Variants in ROR1 observed in about 807,000 individuals in gnomAD.
ROR1 encodes inactive tyrosine-protein kinase transmembrane receptor ROR1.
In ROR1, 19 loss-of-function variants were observed where a neutral mutation model predicts 78.8. The ratio of observed to expected loss-of-function variants is 0.24; its 90% CI spans 0.17 to 0.35. ROR1 has a LOEUF of 0.35. Among genes scored for constraint, ROR1 ranks in the 10% least tolerant of loss-of-function variants. The pLI is 1.00. For missense variants in ROR1, 917 were observed against 1,177.8 expected (o/e 0.78, Z 3.24); for synonymous variants, 386 against 433.6 (o/e 0.89, Z 1.36).
At chr1:64,085,575 AC>A (rs1346180073) in intron 4 of ROR1, among the ~76,000 whole-genome samples, 1 of 152,118 alleles carries the variant, frequency 6.6e-6, no homozygotes, top group African/African-American at 2.4e-5. Flanking sequence ...ATCTCTGCCG[AC>A]CCCAAAATGC....
rs374315612 is a variant in ROR1, at chr1:64,169,958, A to G, written c.1387-7470A>G. 5.3e-5 allele frequency among the ~76,000 whole-genome samples: 8 copies of G among 151,952 alleles called. No homozygotes were observed. In the East Asian group the frequency reaches 1.4e-3, roughly 26 times the overall value. On this transcript the variant is annotated intron_variant, in intron 8 of 8. Transcript: ENST00000371079. ...GTGACTCTGATGCAAGCAGTGCATC[A>G]GACACCTCTGCACCTTTGCAGGGTA...
intron 1 of ROR1, among the ~76,000 whole-genome samples, chr1:63,921,883 A>G (rs914933551): frequency 2.6e-5 from 4 of 152,196 alleles, no homozygotes; most frequent in Admixed American, 6.5e-5. Flanking sequence ...TGGGAAAACC[A>G]AAGAAACACT....
At chr1:63,795,323 TTCAAA>T (rs1240107787) in intron 1 of ROR1, among the ~76,000 whole-genome samples, 11 of 152,346 alleles carry the variant, frequency 7.2e-5, no homozygotes, top group African/African-American at 2.4e-4. Flanking sequence ...TGTGGCAAGA[TTCAAA>T]TCCAAAGTAT....
chr1:63,874,408 G>T (rs1477094789), intron 1 of ROR1, among the ~76,000 whole-genome samples: 1 of 152,060 alleles, frequency 6.6e-6, no homozygotes, highest in Non-Finnish European at 1.5e-5. Flanking sequence ...TTTGGCAGTG[G>T]TAGTGCAGGA....
intron 1 of ROR1, among the ~76,000 whole-genome samples, chr1:63,806,837 A>G (rs1259355056): frequency 6.6e-6 from 1 of 152,224 alleles, no homozygotes; most frequent in Non-Finnish European, 1.5e-5. Context: ...GTTGTATCAT[A>G]AGCCATTTCA....
chr1:64,120,631 A>G (rs1441778869), intron 4 of ROR1, among the ~76,000 whole-genome samples: 1 of 152,072 alleles, frequency 6.6e-6, no homozygotes, highest in Non-Finnish European at 1.5e-5. Flanking sequence ...TTGCTACCAT[A>G]CTGGACCATG....
intron 2 of ROR1, among the ~76,000 whole-genome samples, chr1:64,033,702 C>T (rs1422848635): frequency 6.6e-6 from 1 of 152,130 alleles, no homozygotes; most frequent in Middle Eastern, 3.2e-3. Context: ...AGGTACTGTT[C>T]TAAGTACCTT....
intron 2 of ROR1, among the ~76,000 whole-genome samples, chr1:64,016,733 T>TTATATATA (rs58622476): frequency 2.1e-4 from 30 of 140,610 alleles, no homozygotes; most frequent in African/African-American, 5.7e-4. Context: ...TAAAATATAA[T>TTATATATA]TATATATATA....
intron 1 of ROR1, among the ~76,000 whole-genome samples, chr1:63,947,999 CCT>C (rs1382493869): frequency 6.6e-6 from 1 of 152,010 alleles, no homozygotes; most frequent in African/African-American, 2.4e-5. Flanking sequence ...TCATTTTTAC[CCT>C]GTCAGTAACA....
At chr1:64,009,894 C>T (rs970756353) in intron 2 of ROR1, among the ~76,000 whole-genome samples, 16 of 152,236 alleles carry the variant, frequency 1.1e-4, no homozygotes, top group Middle Eastern at 3.4e-3. Context: ...AATTAAGCCC[C>T]GCCATATGTT....
intron 1 of ROR1, among the ~76,000 whole-genome samples, chr1:63,885,847 T>C (rs855851): frequency 0.9 from 137,087 of 152,214 alleles, 61,974 homozygotes; most frequent in East Asian, 1. Flanking sequence ...TCATGAAAGG[T>C]AGTTCTTCCA....
intron 1 of ROR1, among the ~76,000 whole-genome samples, chr1:63,891,783 C>T (rs1557547109): frequency 6.6e-6 from 1 of 152,112 alleles, no homozygotes; most frequent in Non-Finnish European, 1.5e-5. Flanking sequence ...GATCCTAGTT[C>T]TTGGGCCTTT....
rs1644885927 is a variant in ROR1 at position 63,815,478 on chromosome 1, C to CTTTTCTTTTTTTTTT, written c.91+40974_91+40975insCTTTTTTTTTTTTTT. Among the ~76,000 whole-genome samples, 4 of 103,466 alleles carry CTTTTCTTTTTTTTTT rather than the reference C, an allele frequency of 3.9e-5. No homozygotes were observed. The South Asian group carries it at 1.2e-3, about 31-fold the overall frequency. 67.9% of individuals were successfully genotyped at this position (103,466 alleles called of 152,430 possible). Reference sequence around the variant, plus strand: ...TTTTCTTTTTCTTTTCTTTTCTTTTCTTTTTCTTTTTTTTTTTTTTTTGAG... The same window carrying CTTTTCTTTTTTTTTT: ...TTTTCTTTTTCTTTTCTTTTCTTTTCTTTTCTTTTTTTTTTTTTTTCTTTTTTTTTTTTTTTTGAG... On this transcript the variant is annotated intron_variant, in intron 1 of 8. Transcript: ENST00000371079.
rs546411551 is a variant in ROR1, at chr1:64,019,741, TAC to T, written c.163+10367_163+10368del. ...AAATTCTGAGATACTGTGACAGATT[TAC>T]AGATGAAAAACTGAGCCTTAGGGAA... On this transcript the variant is annotated intron_variant, in intron 2 of 8. Transcript: ENST00000371079. Among the ~76,000 whole-genome samples, 409 of 152,302 alleles carry T rather than the reference TAC, an allele frequency of 2.7e-3. 1 individual carries two copies. The highest frequency in any genetic ancestry group is 9.4e-3 in the African/African-American group (389 of 41,580).
chr1:64,026,389 G>T (rs933507089), intron 2 of ROR1, among the ~76,000 whole-genome samples: 1 of 152,068 alleles, frequency 6.6e-6, no homozygotes, highest in Non-Finnish European at 1.5e-5. Flanking sequence ...GGAGCAAGTG[G>T]GCATCAATGC....
intron 1 of ROR1, among the ~76,000 whole-genome samples, chr1:63,911,823 A>T (rs1422796200): frequency 1.3e-5 from 2 of 152,282 alleles, no homozygotes; most frequent in East Asian, 3.9e-4. Flanking sequence ...TGTACAAGAG[A>T]TATGCTGAGG....
intron 4 of ROR1, among the ~76,000 whole-genome samples, chr1:64,057,711 A>G (rs1243037322): frequency 1.3e-5 from 2 of 152,164 alleles, no homozygotes; most frequent in African/African-American, 2.4e-5. Flanking sequence ...CAACACCTAG[A>G]CTAGTGTTTG....
chr1:63,784,792 A>T lies in ROR1; in HGVS notation c.91+10284A>T, dbSNP rs540256165. Among the ~76,000 whole-genome samples the T allele has an allele frequency of 6.6e-4, 101 of 152,306 alleles. 2 individuals carry two copies. The Middle Eastern group carries it at 0.014, about 21-fold the overall frequency. ...GTGTTTGGCACAGTGCCTGGGCCAT[A>T]GTTGGTTGTTGGTGTGTGATCGAAG... On this transcript the variant is annotated intron_variant, in intron 1 of 8. Coordinates refer to ENST00000371079, the MANE Select transcript of ROR1 (RefSeq NM_005012.4).
At chr1:64,128,844 G>A (rs1221142483) in intron 4 of ROR1, among the ~76,000 whole-genome samples, 1 of 152,154 alleles carries the variant, frequency 6.6e-6, no homozygotes, top group Non-Finnish European at 1.5e-5. Context: ...GAGAGGCAAG[G>A]TGAGGCAGGA....
Sources: gnomAD v4.1 joint callset for allele counts (sites outside exome capture counted in the v4.1 genomes callset) on GRCh38, gnomAD v4.1.1 for gene constraint, MANE v1.5 for transcripts, NCBI Gene and HGNC (gene_info 2026-07-23, HGNC 2026-07-21) for gene names.